The following COL18A1 variants were observed in gnomAD, a reference collection of about 807,000 sequenced individuals.
COL18A1 encodes collagen alpha-1(XVIII) chain.
In COL18A1, 133 loss-of-function variants were observed where a neutral mutation model predicts 168.0. The ratio of observed to expected loss-of-function variants is 0.79; its 90% CI spans 0.69 to 0.91. The LOEUF (loss-of-function observed/expected upper bound fraction) is 0.91. Ranked by LOEUF, COL18A1 falls within the 40% of genes least tolerant of loss-of-function variation. The pLI is 0.00. For synonymous variants in COL18A1, 949 were observed against 809.0 expected (o/e 1.17, Z -2.94); for missense variants, 2,126 against 1,925.4 (o/e 1.10, Z -1.95).
At chr21:45,474,084 G>A (rs981794386) in intron 4 of COL18A1, 103 bp downstream of exon 4, 12 of 864,556 alleles carry the variant, frequency 1.4e-5, no homozygotes, top group Non-Finnish European at 1.9e-5. Context: ...TATACCACTT[G>A]GGGCACTGGG....
intron 4 of COL18A1, 40 bp downstream of exon 4, chr21:45,474,021 T>C: frequency 1.3e-6 from 2 of 1,497,708 alleles, no homozygotes; most frequent in Non-Finnish European, 1.8e-6. Flanking sequence ...CTCCCCTCAA[T>C]CCCTGGCACG....
intron 2 of COL18A1, among the ~76,000 whole-genome samples, chr21:45,422,954 A>AT (rs895320606): frequency 1.8e-4 from 27 of 152,012 alleles, no homozygotes; most frequent in Non-Finnish European, 3.1e-4. Flanking sequence ...TGTCCAGCTA[A>AT]TTTTTTTGTA....
At chr21:45,510,357 AGG>A in intron 40 of COL18A1, 96 bp downstream of exon 40, 1 of 1,359,406 alleles carries the variant, frequency 7.4e-7, no homozygotes, top group Non-Finnish European at 1.0e-6. Flanking sequence ...GGGCCTCTGG[AGG>A]CCACCATGTT....
chr21:45,497,173 G>A, intron 31 of COL18A1, 81 bp downstream of exon 31: 4 of 919,440 alleles, frequency 4.4e-6, no homozygotes, highest in South Asian at 1.3e-5. Flanking sequence ...CGTGCCAGCA[G>A]CAGTGAGACT....
At chr21:45,436,334 C>T (rs770536720) in intron 2 of COL18A1, among the ~76,000 whole-genome samples, 1 of 152,202 alleles carries the variant, frequency 6.6e-6, no homozygotes, top group Non-Finnish European at 1.5e-5. Context: ...ACCCGGGGCC[C>T]ATCCAGCGTG....
intron 10 of COL18A1, 28 bp from the exon 11 acceptor site, chr21:45,480,042 G>T: frequency 6.2e-7 from 1 of 1,611,020 alleles, no homozygotes; most frequent in Non-Finnish European, 8.5e-7. Context: ...CGTGCCCAGG[G>T]TATGATAGGC....
rs181126376 is a variant in COL18A1 at position 45,511,465 on chromosome 21, C to T, written c.3809+239C>T. Among the ~76,000 whole-genome samples the T allele has an allele frequency of 7.9e-5, 12 of 152,282 alleles. No homozygotes were observed. The East Asian group carries it at 1.7e-3, about 22-fold the overall frequency. ...AGAAGGCCCCGAAGGTGCCCCCGGC[C>T]CTCTGCTCATGGCGGATAGACTCCA... On this transcript the variant is annotated intron_variant, in intron 41 of 41. Coordinates refer to ENST00000651438, the MANE Select transcript of COL18A1 (RefSeq NM_001379500.1).
intron 2 of COL18A1, among the ~76,000 whole-genome samples, chr21:45,437,330 ACACT>A (rs1480250018): frequency 2.7e-4 from 31 of 113,796 alleles, no homozygotes; most frequent in Admixed American, 2.0e-3. Flanking sequence ...GCACACACAC[ACACT>A]CAGACACACA....
At chr21:45,454,444 G>A (rs1343032747) in intron 2 of COL18A1, among the ~76,000 whole-genome samples, 5 of 152,176 alleles carry the variant, frequency 3.3e-5, no homozygotes, top group Admixed American at 6.5e-5. Context: ...GGGAGCTGGC[G>A]TGCAGAGCAC....
At chr21:45,489,658 T>C in intron 19 of COL18A1, 137 bp downstream of exon 19, 2 of 655,490 alleles carry the variant, frequency 3.1e-6, no homozygotes, top group Non-Finnish European at 5.1e-6. Flanking sequence ...ATTGAAGACG[T>C]GCTGGTTTCA....
At position 45,492,410 on chromosome 21, in the gene COL18A1, A is replaced by C. The variant is rs2036384019; in HGVS notation, c.2158-125A>C. The C allele has an allele frequency of 4.2e-6, 5 of 1,195,668 alleles. No homozygotes were observed. In the South Asian group the frequency reaches 4.9e-5, roughly 12 times the overall value. The allele number at this position is 1,195,668 out of a possible 1,614,324, so 74.1% of individuals were successfully genotyped here. ...GGAGGGATGCCCCAGGCCCAGGAAG[A>C]CTGGAAAGCAACATTTTCCTTGAAT... is the stretch of plus-strand genomic sequence containing the variant. On this transcript the variant is annotated intron_variant, in intron 22 of 41. Transcript: ENST00000651438.
chr21:45,476,921 TTGTGTGTGTG>T (rs56196443), intron 6 of COL18A1, among the ~76,000 whole-genome samples: 90 of 146,964 alleles, frequency 6.1e-4, no homozygotes, highest in African/African-American at 9.5e-4. Context: ...ATTATGTGTT[TTGTGTGTGTG>T]TGTGTGTGTG....
Position 45,417,940 on chromosome 21 carries a change from C to T in COL18A1, c.106+12467C>T, listed in dbSNP as rs74396238. On this transcript the variant is annotated intron_variant, in intron 2 of 41. Coordinates refer to ENST00000651438, the MANE Select transcript of COL18A1 (RefSeq NM_001379500.1). Reference sequence around the variant, plus strand: ...CGCAGCTGGCAGCACTCTGTGTCTCCGGCCTCTTCCATCTCCCCAGACACG... The same window carrying T: ...CGCAGCTGGCAGCACTCTGTGTCTCTGGCCTCTTCCATCTCCCCAGACACG... 9.6e-3 allele frequency among the ~76,000 whole-genome samples: 1,456 copies of T among 152,376 alleles called. 19 individuals carry two copies. The highest frequency in any genetic ancestry group is 0.044 in the Middle Eastern group (13 of 294).
Position 45,510,086 on chromosome 21 carries a change from G to A in COL18A1, c.3518G>A (p.Ser1173Asn). The A allele has an allele frequency of 6.3e-7, 1 of 1,582,224 alleles. No homozygotes were observed. Residue 1173 changes from serine to asparagine, a missense_variant, in exon 40 of 42, where the codon AGC (serine) becomes AAC (asparagine). Coordinates refer to ENST00000651438, the MANE Select transcript of COL18A1 (RefSeq NM_001379500.1). ...QPVLHLVALN[S>N]PLSGGMRGIR... The stretch of plus-strand genomic sequence containing the variant: ...CAGCTCCACCTGGTTGCGCTCAACA[G>A]CCCCCTGTCAGGCGGCATGCGGGGC...
At chr21:45,483,645 C>T (rs1602509140) in intron 15 of COL18A1, among the ~76,000 whole-genome samples, 1 of 152,058 alleles carries the variant, frequency 6.6e-6, no homozygotes, top group South Asian at 2.1e-4. Flanking sequence ...GCCGCCCACT[C>T]GAATCATGTC....
chr21:45,504,402 G>A lies in COL18A1; in HGVS notation c.2728-14G>A, dbSNP rs1267127153. 10 of 1,610,222 alleles carry A rather than the reference G, an allele frequency of 6.2e-6. No individual in the cohort carries two copies. Among genetic ancestry groups the A allele is most frequent in the Non-Finnish European group, 8.5e-6 (10 of 1,178,598 alleles). On this transcript the variant is annotated splice_polypyrimidine_tract_variant and intron_variant, in intron 33 of 41. Transcript: ENST00000651438. The stretch of plus-strand genomic sequence containing the variant: ...GGTTCAGGGCTCCCGTGTAACAAGT[G>A]TTTCCGTCCACAGGGGGAGAAGGGA...
At chr21:45,474,089 A>C in intron 4 of COL18A1, 108 bp downstream of exon 4, 1 of 812,850 alleles carries the variant, frequency 1.2e-6, no homozygotes, top group South Asian at 1.6e-5. Flanking sequence ...CACTTGGGGC[A>C]CTGGGAAGCT....
intron 2 of COL18A1, among the ~76,000 whole-genome samples, chr21:45,454,835 C>T (rs2034742494): frequency 2.0e-5 from 3 of 152,204 alleles, no homozygotes; most frequent in Admixed American, 6.5e-5. Context: ...AAGGAGTATG[C>T]ATTCCTGCCC....
At chr21:45,493,322 C>T (rs1224278506) in intron 25 of COL18A1, 97 bp downstream of exon 25, 1 of 1,413,942 alleles carries the variant, frequency 7.1e-7, no homozygotes, top group African/African-American at 1.4e-5. Flanking sequence ...CTGGGACCCC[C>T]CGGCTGCTGC....
Sources: allele counts gnomAD v4.1 joint callset (sites outside exome capture counted in the v4.1 genomes callset), GRCh38; gene constraint gnomAD v4.1.1; transcripts MANE v1.5; gene names NCBI Gene and HGNC (gene_info 2026-07-23, HGNC 2026-07-21).